SMIM14: variants seen among roughly 807,000 people sequenced by gnomAD.
The protein encoded by SMIM14 is small integral membrane protein 14.
A neutral mutation model predicts 12.6 loss-of-function variants in SMIM14; 5 were observed. The ratio of observed to expected loss-of-function variants is 0.40; its 90% CI spans 0.21 to 0.83. The LOEUF (loss-of-function observed/expected upper bound fraction) is 0.83. Among genes scored for constraint, SMIM14 ranks in the 40% least tolerant of loss-of-function variants. SMIM14 has a pLI of 0.37. For synonymous variants in SMIM14, 30 were observed against 40.1 expected (o/e 0.75, Z 0.95); for missense variants, 86 against 119.1 (o/e 0.72, Z 1.29).
At chr4:39,588,983 G>T (rs796350168) in intron 2 of SMIM14, among the ~76,000 whole-genome samples, 15 of 152,230 alleles carry the variant, frequency 9.9e-5, no homozygotes, top group African/African-American at 3.4e-4. Context: ...ATTTATTTAA[G>T]TACAGTAGAC....
At chr4:39,578,794 G>C (rs762729839) in intron 2 of SMIM14, among the ~76,000 whole-genome samples, 1 of 151,998 alleles carries the variant, frequency 6.6e-6, no homozygotes, top group Non-Finnish European at 1.5e-5. Context: ...TCAGGAGTTC[G>C]AGACAAGCCT....
chr4:39,628,481 G>A (rs934181533), intron 1 of SMIM14, among the ~76,000 whole-genome samples: 3 of 151,020 alleles, frequency 2.0e-5, no homozygotes, highest in African/African-American at 4.9e-5. Context: ...AAGACCAGCC[G>A]GGCCAACATG....
At chr4:39,554,654 C>CTTTTTTTTT (rs111326390) in intron 4 of SMIM14, among the ~76,000 whole-genome samples, 1 of 95,194 alleles carries the variant, frequency 1.1e-5, no homozygotes, top group Non-Finnish European at 2.0e-5. Context: ...GGAAATTTTC[C>CTTTTTTTTT]TTTTTTTTTT....
chr4:39,599,447 G>A (rs765755244), intron 2 of SMIM14, among the ~76,000 whole-genome samples: 1 of 152,060 alleles, frequency 6.6e-6, no homozygotes, highest in Non-Finnish European at 1.5e-5. Context: ...AACTTGAGGG[G>A]GCTTGGGGGT....
chr4:39,634,172 C>T (rs1181220094), intron 1 of SMIM14, among the ~76,000 whole-genome samples: 4 of 152,194 alleles, frequency 2.6e-5, no homozygotes, highest in African/African-American at 7.2e-5. Context: ...CGTGATCCAC[C>T]GGCCTCGGCT....
chr4:39,604,528 C>A (rs1714732522), intron 2 of SMIM14, among the ~76,000 whole-genome samples: 1 of 151,946 alleles, frequency 6.6e-6, no homozygotes, highest in South Asian at 2.1e-4. Context: ...CAGAGCGAGA[C>A]TCCATCTCAA....
chr4:39,552,878 A>C (rs1407731131), intron 4 of SMIM14, among the ~76,000 whole-genome samples: 1 of 152,088 alleles, frequency 6.6e-6, no homozygotes, highest in Non-Finnish European at 1.5e-5. Context: ...GATTTTATTT[A>C]TTTACCCTGA....
chr4:39,638,538 G>C (rs1252152527), intron 1 of SMIM14: 15 of 985,274 alleles, frequency 1.5e-5, no homozygotes, highest in Non-Finnish European at 1.8e-5. Context: ...CAGGCTCTTC[G>C]CGGGGGACGC....
intron 1 of SMIM14, 115 bp downstream of exon 1, chr4:39,638,624 G>C (rs964410239): frequency 5.8e-5 from 56 of 971,652 alleles, no homozygotes; most frequent in Non-Finnish European, 6.7e-5. Flanking sequence ...CCGAGAAACA[G>C]CCCTGTTCTG....
At chr4:39,559,386 C>CA (rs33993674) in intron 3 of SMIM14, among the ~76,000 whole-genome samples, 44,211 of 120,748 alleles carry the variant, frequency 0.37, 7,938 homozygotes, top group East Asian at 0.54. Context: ...AAGACCCTGT[C>CA]AAAAAAAAAA....
chr4:39,636,742 T>C (rs1045401794), intron 1 of SMIM14, among the ~76,000 whole-genome samples: 3 of 152,134 alleles, frequency 2.0e-5, no homozygotes, highest in Non-Finnish European at 4.4e-5. Context: ...GCCCATATAG[T>C]ACAGAACCCT....
chr4:39,576,045 C>T (rs1713151709), intron 2 of SMIM14, among the ~76,000 whole-genome samples: 1 of 151,844 alleles, frequency 6.6e-6, no homozygotes, highest in African/African-American at 2.4e-5. Flanking sequence ...AGGCATGCCC[C>T]ACCATGCCTG....
chr4:39,600,527 G>A (rs369425998), intron 2 of SMIM14, among the ~76,000 whole-genome samples: 2 of 151,654 alleles, frequency 1.3e-5, no homozygotes, highest in East Asian at 1.9e-4. Flanking sequence ...CCATCTCTAC[G>A]AAAAATACAA....
intron 1 of SMIM14, among the ~76,000 whole-genome samples, chr4:39,608,559 T>C (rs773845677): frequency 2.0e-5 from 3 of 152,228 alleles, no homozygotes; most frequent in Non-Finnish European, 4.4e-5. Flanking sequence ...TAATATGCTA[T>C]GATTCCATTT....
Position 39,556,578 on chromosome 4 carries a change from C to CAAACAAAA in SMIM14, c.125-16_125-9dup, listed in dbSNP as rs755925340. 8 of 1,573,602 alleles carry CAAACAAAA rather than the reference C, an allele frequency of 5.1e-6. No individual in the cohort carries two copies. The highest frequency in any genetic ancestry group is 2.4e-5 in the South Asian group (2 of 83,428). On this transcript the variant is annotated splice_polypyrimidine_tract_variant and intron_variant, in intron 3 of 4. Coordinates refer to ENST00000295958, the MANE Select transcript of SMIM14 (RefSeq NM_174921.3). ...CACCAGAGGGTCCCGGTACTAAAGA[C>CAAACAAAA]AAACAAAAAATGTAGCATGCTCACA...
At chr4:39,619,876 A>ATTTT (rs368919092) in intron 1 of SMIM14, among the ~76,000 whole-genome samples, 42 of 115,852 alleles carry the variant, frequency 3.6e-4, no homozygotes, top group African/African-American at 1.3e-3. Flanking sequence ...ATATATATAT[A>ATTTT]TTTTTTTTTT....
At chr4:39,602,081 T>G (rs1714638631) in intron 2 of SMIM14, among the ~76,000 whole-genome samples, 1 of 148,010 alleles carries the variant, frequency 6.8e-6, no homozygotes, top group Non-Finnish European at 1.5e-5. Flanking sequence ...GAACCCCACC[T>G]CTATAAAAAA....
chr4:39,635,530 T>TG (rs999544612), intron 1 of SMIM14, among the ~76,000 whole-genome samples: 1 of 152,136 alleles, frequency 6.6e-6, no homozygotes. Flanking sequence ...GAAGATAGCC[T>TG]GGCAAAGCTG....
intron 1 of SMIM14, among the ~76,000 whole-genome samples, chr4:39,608,642 GGAA>G (rs941615251): frequency 2.6e-5 from 4 of 152,148 alleles, no homozygotes; most frequent in Non-Finnish European, 5.9e-5. Flanking sequence ...AGGGACTTAG[GGAA>G]GAAAGGAATG....
Sources: allele counts gnomAD v4.1 joint callset (sites outside exome capture counted in the v4.1 genomes callset), GRCh38; gene constraint gnomAD v4.1.1; transcripts MANE v1.5; gene names NCBI Gene and HGNC (gene_info 2026-07-23, HGNC 2026-07-21).